Variants in CMKLR1 observed in about 807,000 individuals in gnomAD.
CMKLR1 encodes chemerin chemokine-like receptor 1, also known as chemerin-like receptor 1.
Under a neutral mutation model 8.2 loss-of-function variants are expected in CMKLR1, and 6 were observed. That is an observed-to-expected ratio of 0.73 (90% CI 0.40 to 1.44). The LOEUF (loss-of-function observed/expected upper bound fraction) is 1.44. CMKLR1 is among the 40% of genes most tolerant of loss of function. The pLI is 0.02. For missense variants in CMKLR1, 429 were observed against 478.0 expected (o/e 0.90, Z 0.96); for synonymous variants, 178 against 181.2 (o/e 0.98, Z 0.14).
intron 2 of CMKLR1, among the ~76,000 whole-genome samples, chr12:108,315,542 C>T (rs1022236459): frequency 6.6e-6 from 1 of 152,316 alleles, no homozygotes; most frequent in African/African-American, 2.4e-5. Context: ...GCTAAGCACA[C>T]GTCCTGTGTC....
chr12:108,331,000 G>T (rs78543582), intron 1 of CMKLR1, among the ~76,000 whole-genome samples: 4 of 152,110 alleles, frequency 2.6e-5, no homozygotes, highest in African/African-American at 9.7e-5. Context: ...TCTCTTACAG[G>T]GGGGAAGAGA....
intron 2 of CMKLR1, among the ~76,000 whole-genome samples, chr12:108,327,341 T>C (rs55724851): frequency 0.1 from 15,578 of 152,112 alleles, 1,533 homozygotes; most frequent in Admixed American, 0.25. Context: ...TAGCTGGGCA[T>C]GGTGGCACAT....
intron 1 of CMKLR1, among the ~76,000 whole-genome samples, chr12:108,332,072 A>C (rs1317240202): frequency 6.6e-6 from 1 of 152,182 alleles, no homozygotes; most frequent in Non-Finnish European, 1.5e-5. Flanking sequence ...TCAGGTAACA[A>C]AGGATGGGCA....
chr12:108,305,755 G>C (rs1891390842), intron 2 of CMKLR1, among the ~76,000 whole-genome samples: 1 of 152,238 alleles, frequency 6.6e-6, no homozygotes, highest in Non-Finnish European at 1.5e-5. Context: ...ACGCCCACAT[G>C]TGGGAGCTCG....
At chr12:108,327,819 G>A (rs1234595031) in intron 2 of CMKLR1, among the ~76,000 whole-genome samples, 1 of 152,210 alleles carries the variant, frequency 6.6e-6, no homozygotes, top group Admixed American at 6.5e-5. Flanking sequence ...AGGAGGTGCA[G>A]TGGGCTTCCT....
rs61934533 is a variant in CMKLR1, at chr12:108,300,912, G to A, written c.-73-7248C>T. ...ATCCTCATGATCACCCTACAGGGTC[G>A]GGACACAATTATACGCATTTTCAGA... On this transcript the variant is annotated intron_variant, in intron 2 of 3. Coordinates refer to ENST00000550402, the MANE Select transcript of CMKLR1 (RefSeq NM_001142343.2). Among the ~76,000 whole-genome samples the A allele has an allele frequency of 3.3e-3, 504 of 152,140 alleles. 1 individual carries two copies. The highest frequency in any genetic ancestry group is 0.017 in the Middle Eastern group (5 of 292).
intron 1 of CMKLR1, among the ~76,000 whole-genome samples, chr12:108,338,547 A>G (rs1892284444): frequency 6.6e-6 from 1 of 152,176 alleles, no homozygotes; most frequent in South Asian, 2.1e-4. Context: ...GTGCAGTGTG[A>G]CCAAAAGCTC....
intron 2 of CMKLR1, among the ~76,000 whole-genome samples, chr12:108,305,169 G>C (rs1405239853): frequency 6.6e-6 from 1 of 152,182 alleles, no homozygotes; most frequent in African/African-American, 2.4e-5. Context: ...GAGGGACTTG[G>C]TCTCTCTTGT....
chr12:108,295,505 C>T (rs1323972745), intron 2 of CMKLR1, among the ~76,000 whole-genome samples: 1 of 152,218 alleles, frequency 6.6e-6, no homozygotes, highest in African/African-American at 2.4e-5. Flanking sequence ...AAGGAGCTCA[C>T]AGGTATGAGA....
intron 3 of CMKLR1, 77 bp downstream of exon 3, chr12:108,293,512 G>A (rs1387582854): frequency 2.0e-6 from 3 of 1,488,634 alleles, no homozygotes; most frequent in Non-Finnish European, 2.8e-6. Flanking sequence ...GGACAGCCTT[G>A]TTGTGATCCC....
chr12:108,293,989 C>G (rs1593157054), intron 2 of CMKLR1, among the ~76,000 whole-genome samples: 1 of 152,154 alleles, frequency 6.6e-6, no homozygotes, highest in East Asian at 1.9e-4. Context: ...ATGGATGGCT[C>G]AATCCACTAC....
intron 2 of CMKLR1, among the ~76,000 whole-genome samples, chr12:108,324,373 C>T (rs1343414295): frequency 6.6e-6 from 1 of 152,182 alleles, no homozygotes; most frequent in African/African-American, 2.4e-5. Context: ...GGGCAAGTCG[C>T]TTAACCTCCC....
At chr12:108,328,950 G>A (rs1892043925) in intron 2 of CMKLR1, among the ~76,000 whole-genome samples, 1 of 152,172 alleles carries the variant, frequency 6.6e-6, no homozygotes, top group African/African-American at 2.4e-5. Context: ...ACGTCCATCA[G>A]CAAGTCCTGG....
chr12:108,303,376 C>A (rs985608029), intron 2 of CMKLR1, among the ~76,000 whole-genome samples: 1 of 152,222 alleles, frequency 6.6e-6, no homozygotes, highest in Non-Finnish European at 1.5e-5. Flanking sequence ...CCATGCAGAA[C>A]AAAAGCCTCC....
At chr12:108,334,696 AG>A (rs1395472108) in intron 1 of CMKLR1, among the ~76,000 whole-genome samples, 11 of 152,220 alleles carry the variant, frequency 7.2e-5, no homozygotes, top group Admixed American at 5.2e-4. Flanking sequence ...GTGGGGCCCT[AG>A]GACAGGAATA....
At chr12:108,308,678 C>A (rs1270077602) in intron 2 of CMKLR1, among the ~76,000 whole-genome samples, 1 of 152,166 alleles carries the variant, frequency 6.6e-6, no homozygotes, top group Admixed American at 6.5e-5. Flanking sequence ...AAGGCAGGGG[C>A]CCCTCCAGAC....
chr12:108,309,665 G>A (rs1486375092), intron 2 of CMKLR1, among the ~76,000 whole-genome samples: 2 of 152,226 alleles, frequency 1.3e-5, no homozygotes, highest in African/African-American at 4.8e-5. Flanking sequence ...TCGTGGCACA[G>A]TCAGTATTCT....
chr12:108,295,084 G>C (rs1302830438), intron 2 of CMKLR1, among the ~76,000 whole-genome samples: 1 of 152,248 alleles, frequency 6.6e-6, no homozygotes, highest in South Asian at 2.1e-4. Context: ...GGAATGCAGA[G>C]AGAAGATGGG....
At position 108,291,981 on chromosome 12, in the gene CMKLR1, C is replaced by A. The variant is rs910964191; in HGVS notation, c.982G>T (p.Val328Leu). 4 of 1,614,150 alleles carry A rather than the reference C, an allele frequency of 2.5e-6. No homozygotes were observed. The highest frequency in any genetic ancestry group is 1.3e-5 in the African/African-American group (1 of 75,020). ...FMGQDFKKFK[V>L]ALFSRLVNAL... is the part of the protein sequence containing the mutation. The stretch of plus-strand genomic sequence containing the variant: ...TTGACCAGGCGAGAGAAGAGGGCCA[C>A]CTTGAACTTCTTGAAGTCCTGACCC... Residue 328 changes from valine to leucine, a missense_variant, in exon 4 of 4, where the codon GTG becomes TTG. Transcript: ENST00000550402.
Sources: gnomAD v4.1 joint callset for allele counts (sites outside exome capture counted in the v4.1 genomes callset) on GRCh38, gnomAD v4.1.1 for gene constraint, MANE v1.5 for transcripts, NCBI Gene and HGNC (gene_info 2026-07-23, HGNC 2026-07-21) for gene names.